The following TRMT11 variants were observed in gnomAD, a reference collection of about 807,000 sequenced individuals.
The protein encoded by TRMT11 is tRNA methyltransferase 11.
In TRMT11, 53 loss-of-function variants were observed where a neutral mutation model predicts 62.8. The observed-to-expected ratio is 0.84, with a 90% CI of 0.68 to 1.06. TRMT11 has a LOEUF of 1.06. TRMT11 is among the 50% of genes least tolerant of loss of function. TRMT11 has a pLI of 0.00. For missense variants in TRMT11, 556 were observed against 553.4 expected (o/e 1.00, Z -0.05); for synonymous variants, 188 against 190.3 (o/e 0.99, Z 0.10).
At chr6:126,213,544 ATTGT>A in the TRMT11 span, among the ~76,000 whole-genome samples, 1 of 151,956 alleles carries the variant, frequency 6.6e-6, no homozygotes, top group East Asian at 1.9e-4. Flanking sequence ...TATTTTTCAG[ATTGT>A]TTGCTGTTGA....
chr6:126,247,441 ATATCTATCTATCTATC>A, the TRMT11 span, among the ~76,000 whole-genome samples: 98 of 132,500 alleles, frequency 7.4e-4, no homozygotes, highest in East Asian at 5.5e-3. Context: ...GACACAGAAC[ATATCTATCTATCTATC>A]TATCTATCTA....
chr6:126,111,407 T>A (rs781063315), intron 17 of TRMT11, among the ~76,000 whole-genome samples: 13 of 152,112 alleles, frequency 8.5e-5, no homozygotes, highest in Non-Finnish European at 1.8e-4. Context: ...TCATCTTTCT[T>A]GTCTACCTTA....
At chr6:126,048,500 A>G (rs371967682) in intron 16 of TRMT11, among the ~76,000 whole-genome samples, 72 of 152,340 alleles carry the variant, frequency 4.7e-4, no homozygotes, top group African/African-American at 1.5e-3. Context: ...GGCGGCTGAT[A>G]GAACTGTCGG....
At chr6:126,012,680 G>T in intron 9 of TRMT11, 91 bp from the exon 10 acceptor site, 1 of 836,074 alleles carries the variant, frequency 1.2e-6, no homozygotes, top group Non-Finnish European at 2.0e-6. Context: ...TTCTTCTCAG[G>T]GTGTCACATT....
At chr6:126,015,284 G>A (rs1393162382) in intron 11 of TRMT11, among the ~76,000 whole-genome samples, 2 of 151,174 alleles carry the variant, frequency 1.3e-5, no homozygotes, top group Non-Finnish European at 2.9e-5. Context: ...GGAGTGCAGT[G>A]GCATGATCTT....
intron 7 of TRMT11, among the ~76,000 whole-genome samples, chr6:126,007,530 TA>T (rs1220681073): frequency 6.6e-6 from 1 of 151,962 alleles, no homozygotes; most frequent in African/African-American, 2.4e-5. Context: ...TTTGAATGAT[TA>T]AAAAAAGTGA....
chr6:126,252,559 A>G, the TRMT11 span, among the ~76,000 whole-genome samples: 2 of 152,320 alleles, frequency 1.3e-5, no homozygotes, highest in South Asian at 2.1e-4. Flanking sequence ...CCCCTTCTCA[A>G]TGAGAAGAGT....
chr6:126,133,853 A>G (rs903966125), intron 21 of TRMT11, among the ~76,000 whole-genome samples: 1 of 151,912 alleles, frequency 6.6e-6, no homozygotes, highest in African/African-American at 2.4e-5. Context: ...AATTTTGTCT[A>G]TTGAACCTCA....
At chr6:126,024,763 C>G (rs568381041) in intron 12 of TRMT11, among the ~76,000 whole-genome samples, 1 of 152,240 alleles carries the variant, frequency 6.6e-6, no homozygotes, top group South Asian at 2.1e-4. Context: ...TTAGAGGATG[C>G]TTTTTTGTCT....
At chr6:126,202,470 CCCCT>C (rs1214979536), downstream of TRMT11, among the ~76,000 whole-genome samples, 5 of 152,020 alleles carry the variant, frequency 3.3e-5, no homozygotes, top group Non-Finnish European at 1.5e-5. Context: ...ACTTCTTTTC[CCCCT>C]GTAGCTAAGA....
At chr6:126,136,403 A>G (rs565885996) in intron 21 of TRMT11, among the ~76,000 whole-genome samples, 39 of 151,874 alleles carry the variant, frequency 2.6e-4, no homozygotes, top group African/African-American at 8.9e-4. Flanking sequence ...CAAGAAAACA[A>G]TTTCATTTAC....
At chr6:126,085,738 C>A (rs143774523) in intron 17 of TRMT11, among the ~76,000 whole-genome samples, 92 of 152,292 alleles carry the variant, frequency 6.0e-4, no homozygotes, top group Non-Finnish European at 1.1e-3. Flanking sequence ...AGTAAACATA[C>A]TCTGTATGAT....
At chr6:126,256,014 G>A in the TRMT11 span, among the ~76,000 whole-genome samples, 1 of 152,158 alleles carries the variant, frequency 6.6e-6, no homozygotes, top group South Asian at 2.1e-4. Context: ...TCATGAGGTT[G>A]TGGTCATCTG....
At chr6:126,033,601 A>G (rs1041159643) in intron 12 of TRMT11, among the ~76,000 whole-genome samples, 9 of 152,144 alleles carry the variant, frequency 5.9e-5, no homozygotes, top group African/African-American at 2.2e-4. Flanking sequence ...ATCATTATTT[A>G]AAAATGAAAT....
intron 17 of TRMT11, among the ~76,000 whole-genome samples, chr6:126,077,029 G>A (rs190907159): frequency 3.5e-4 from 54 of 152,284 alleles, no homozygotes; most frequent in Non-Finnish European, 6.0e-4. Context: ...TAAAGACATA[G>A]ATCCCACAGC....
intron 21 of TRMT11, among the ~76,000 whole-genome samples, chr6:126,120,813 T>C (rs1296645554): frequency 6.6e-6 from 1 of 152,154 alleles, no homozygotes; most frequent in Non-Finnish European, 1.5e-5. Flanking sequence ...GGAATAAGTC[T>C]CTTTCAGCCC....
At chr6:126,096,460 T>A (rs919515737) in intron 17 of TRMT11, among the ~76,000 whole-genome samples, 1 of 152,208 alleles carries the variant, frequency 6.6e-6, no homozygotes, top group East Asian at 1.9e-4. Context: ...CAGATTGAAG[T>A]TGGACTCCAG....
chr6:126,198,843 G>A (rs1458391943), exon 2 of TRMT11: 3 of 152,118 alleles, frequency 2.0e-5, no homozygotes, highest in African/African-American at 7.2e-5. Context: ...TCATCATGGG[G>A]GAGAAGAGCA....
chr6:126,199,362 A>G (rs1274638979), intron 2 of TRMT11, among the ~76,000 whole-genome samples: 1 of 152,136 alleles, frequency 6.6e-6, no homozygotes, highest in Non-Finnish European at 1.5e-5. Flanking sequence ...TTTTCTTCCA[A>G]TCTCAGGCTC....
Sources: allele counts gnomAD v4.1 joint callset (sites outside exome capture counted in the v4.1 genomes callset), GRCh38; gene constraint gnomAD v4.1.1; transcripts MANE v1.5; gene names NCBI Gene and HGNC (gene_info 2026-07-23, HGNC 2026-07-21).